PRPF8: variants seen among roughly 807,000 people sequenced by gnomAD.
The protein encoded by PRPF8 is pre-mRNA processing factor 8.
In PRPF8, 64 loss-of-function variants were observed where a neutral mutation model predicts 285.9. The observed-to-expected ratio is 0.22, with a 90% CI of 0.18 to 0.28. PRPF8 has a LOEUF of 0.28. PRPF8 is among the 10% of genes least tolerant of loss of function. The pLI is 1.00. For missense variants in PRPF8, 1,426 were observed against 3,026.7 expected (o/e 0.47, Z 12.41); for synonymous variants, 1,325 against 1,118.2 (o/e 1.18, Z -3.69).
intron 28 of PRPF8, 66 bp from the exon 29 acceptor site, chr17:1,660,893 G>C: frequency 6.2e-7 from 1 of 1,612,704 alleles, no homozygotes; most frequent in Non-Finnish European, 8.5e-7. Flanking sequence ...TAACCTCCTG[G>C]AGGTGGCTGT....
At position 1,675,789 on chromosome 17, in the gene PRPF8, C is replaced by G. The variant is rs1472813794; in HGVS notation, c.2703G>C (p.Leu901=). 1 of 1,614,062 alleles carries G rather than the reference C, an allele frequency of 6.2e-7. No homozygotes were observed. The highest frequency in any genetic ancestry group is 8.5e-7 in the Non-Finnish European group (1 of 1,180,042). ...CATATACTGGAACGAGGTGGCTATACAGATCCATGAACTCAATGCCCACCT... is the reference window on the plus strand; with the variant it reads ...CATATACTGGAACGAGGTGGCTATAGAGATCCATGAACTCAATGCCCACCT... ...FKEVGIEFMD[L]YSHLVPVYDV... Residue 901 remains leucine (L), a synonymous_variant, in exon 19 of 43, where the codon CTG becomes CTC. Coordinates refer to ENST00000304992, the MANE Select transcript of PRPF8 (RefSeq NM_006445.4). The surrounding 1 kb of genome is among the most constrained non-coding windows in gnomAD (Gnocchi z 6.0).
chr17:1,653,490 G>C lies in PRPF8; in HGVS notation c.6369+52C>G, dbSNP rs1363587485. ...AGACAATCTCAGGTCTGAGTTTTAG[G>C]CACAAAATGAGTTGGGCACACACTG... On this transcript the variant is annotated intron_variant, in intron 39 of 42. Transcript: ENST00000304992. This position sits in a 1 kb window ranked among gnomAD's most constrained non-coding sequence, Gnocchi z 4.9. 17 of 1,610,978 alleles carry C rather than the reference G, an allele frequency of 1.1e-5. No individual in the cohort carries two copies. Among genetic ancestry groups the C allele is most frequent in the Non-Finnish European group, 5.9e-6 (7 of 1,177,296 alleles).
intron 21 of PRPF8, among the ~76,000 whole-genome samples, chr17:1,674,094 C>T (rs994654315): frequency 6.6e-6 from 1 of 152,184 alleles, no homozygotes; most frequent in Non-Finnish European, 1.5e-5. Flanking sequence ...GCAATCCCGG[C>T]TCACTGCAAG....
chr17:1,678,602 G>C lies in PRPF8; in HGVS notation c.1770C>G (p.Gly590=). The C allele has an allele frequency of 6.2e-7, 1 of 1,614,214 alleles. No homozygotes were observed. Reference sequence around the variant, plus strand: ...TCAGCTTGTATTTGTATCGATACATGCCCGTCAACTGCCCAACATGGGCAA... The same window carrying C: ...TCAGCTTGTATTTGTATCGATACATCCCCGTCAACTGCCCAACATGGGCAA... ...YIFAHVGQLT[G]MYRYKYKLMR... Residue 590 remains glycine, a synonymous_variant, in exon 13 of 43, where the codon GGC becomes GGG. Coordinates refer to ENST00000304992, the MANE Select transcript of PRPF8 (RefSeq NM_006445.4).
rs1472301974 is a variant in PRPF8, at chr17:1,651,696, G to T, written c.6462C>A (p.His2154Gln). Residue 2154 changes from histidine to glutamine, a missense_variant, in exon 40 of 43, where the codon CAC (histidine) becomes CAA (glutamine). Physicochemically the swap from His to Gln is conservative, Grantham distance 24. Coordinates refer to ENST00000304992, the MANE Select transcript of PRPF8 (RefSeq NM_006445.4). This position sits in a 1 kb window ranked among gnomAD's most constrained non-coding sequence, Gnocchi z 5.1. ...CIVMVPQWGT[H>Q]QTVHLPGQLP... ...GCTGGCCAGGCAGGTGCACGGTCTG[G>T]TGAGTGCCCCACTGCGGCACCATCA... 6.2e-7 allele frequency: 1 copy of T among 1,614,050 alleles called. No homozygotes were observed. The highest frequency in any genetic ancestry group is 2.2e-5 in the East Asian group (1 of 44,902).
chr17:1,659,938 G>A lies in PRPF8; in HGVS notation c.4849C>T (p.Arg1617Ter). 6.2e-7 allele frequency: 1 copy of A among 1,614,036 alleles called. No homozygotes were observed. Among genetic ancestry groups the A allele is most frequent in the African/African-American group, 1.3e-5 (1 of 75,030 alleles). ...GAAGAGTTCATCTTATATGACTTTC[G>A]GGGATGGATTGTCTCCTTTTGTACT... The part of the protein sequence containing the change: ...ETVQKETIHP[R>*]KSYKMNSSCA... The change falls in exon 31 of 43, where the codon CGA (arginine) becomes TGA (stop). Residue 1617 changes from arginine to a stop codon, truncating the protein, a stop_gained. Coordinates refer to ENST00000304992, the MANE Select transcript of PRPF8 (RefSeq NM_006445.4). LOFTEE classifies it high-confidence loss of function. The surrounding 1 kb of genome is among the most constrained non-coding windows in gnomAD (Gnocchi z 5.1).
intron 3 of PRPF8, 100 bp downstream of exon 3, chr17:1,683,433 C>G (rs1192226560): frequency 1.6e-5 from 21 of 1,322,318 alleles, no homozygotes; most frequent in Middle Eastern, 1.8e-4. Flanking sequence ...TCTCTTATAT[C>G]CACCAAGATG....
At position 1,659,733 on chromosome 17, in the gene PRPF8, C is replaced by A. The variant is rs1911583814; in HGVS notation, c.4946+108G>T. 1 of 1,461,860 alleles carries A rather than the reference C, an allele frequency of 6.8e-7. No individual in the cohort carries two copies. The highest frequency in any genetic ancestry group is 1.9e-5 in the Admixed American group (1 of 52,146). 90.6% of individuals were successfully genotyped at this position (1,461,860 alleles called of 1,614,324 possible). A position where few individuals can be genotyped will look rare whatever the true frequency, so the allele number is the denominator to read the frequency against. The stretch of plus-strand genomic sequence containing the variant: ...ACAGGCTCCAAGCGTAGCACTGGCT[C>A]CAAGTTTGAAACAAAGGCAGACAGG... On this transcript the variant is annotated intron_variant, in intron 31 of 42. Coordinates refer to ENST00000304992, the MANE Select transcript of PRPF8 (RefSeq NM_006445.4). This position sits in a 1 kb window ranked among gnomAD's most constrained non-coding sequence, Gnocchi z 5.1.
chr17:1,659,663 G>A lies in PRPF8; in HGVS notation c.4947-115C>T. 1 of 1,414,380 alleles carries A rather than the reference G, an allele frequency of 7.1e-7. No homozygotes were observed. The highest frequency in any genetic ancestry group is 1.2e-5 in the South Asian group (1 of 83,836). 87.6% of individuals were successfully genotyped at this position (1,414,380 alleles called of 1,614,324 possible). A position where few individuals can be genotyped will look rare whatever the true frequency, so the allele number is the denominator to read the frequency against. On this transcript the variant is annotated intron_variant, in intron 31 of 42. Transcript: ENST00000304992. The surrounding 1 kb of genome is among the most constrained non-coding windows in gnomAD (Gnocchi z 5.1). ...CACCCACTCCACCAACTTGTTCCAG[G>A]TCAGCAGGACCCCAGAGAATCAGCA...
In PRPF8 at chr17:1,652,000, T is replaced by C. The variant is rs1911101930; in HGVS notation, c.6370-212A>G. The stretch of plus-strand genomic sequence containing the variant: ...ACTTACCACATCAGAATCTCCTGAG[T>C]GGGGTCCAGGAATCTGCACTGCTCA... On this transcript the variant is annotated intron_variant, in intron 39 of 42. Transcript: ENST00000304992. This position sits in a 1 kb window ranked among gnomAD's most constrained non-coding sequence, Gnocchi z 5.1. The C allele has an allele frequency of 1.5e-6, 1 of 665,064 alleles. No individual in the cohort carries two copies. The highest frequency in any genetic ancestry group is 2.2e-5 in the Admixed American group (1 of 44,496). 41.2% of individuals were successfully genotyped at this position (665,064 alleles called of 1,614,324 possible).
intron 24 of PRPF8, among the ~76,000 whole-genome samples, chr17:1,665,979 C>G (rs1319121114): frequency 9.0e-6 from 1 of 110,994 alleles, no homozygotes; most frequent in Non-Finnish European, 1.8e-5. Flanking sequence ...CTCGCAAACA[C>G]GGTGAAACCG....
chr17:1,678,738 G>C (rs372495489), intron 12 of PRPF8, 24 bp downstream of exon 12: 1 of 1,614,104 alleles, frequency 6.2e-7, no homozygotes, highest in African/African-American at 1.3e-5. Flanking sequence ...CACCCAGGCA[G>C]GGGTTGGGAA....
Position 1,658,849 on chromosome 17 carries a change from A to G in PRPF8, c.5139-86T>C, listed in dbSNP as rs1372989724. ...AAGCTGCCAACTCTACAGAGGAAGAAAGACTGTTCGCCAGGCTGACAACAC... is the reference window on the plus strand; with the variant it reads ...AAGCTGCCAACTCTACAGAGGAAGAGAGACTGTTCGCCAGGCTGACAACAC... On this transcript the variant is annotated intron_variant, in intron 32 of 42. Coordinates refer to ENST00000304992, the MANE Select transcript of PRPF8 (RefSeq NM_006445.4). This position sits in a 1 kb window ranked among gnomAD's most constrained non-coding sequence, Gnocchi z 4.1. 1 of 1,202,026 alleles carries G rather than the reference A, an allele frequency of 8.3e-7. No homozygotes were observed. The highest frequency in any genetic ancestry group is 1.7e-5 in the Admixed American group (1 of 57,646). The allele number at this position is 1,202,026 out of a possible 1,614,324, so 74.5% of individuals were successfully genotyped here. A position where few individuals can be genotyped will look rare whatever the true frequency, so the allele number is the denominator to read the frequency against.
chr17:1,666,654 A>G (rs946392307), intron 24 of PRPF8, among the ~76,000 whole-genome samples: 2 of 152,226 alleles, frequency 1.3e-5, no homozygotes, highest in African/African-American at 2.4e-5. Flanking sequence ...AAACCACAAA[A>G]TACCAAATGA....
rs75741782 is a variant in PRPF8, at chr17:1,677,821, G to A, written c.1855-127C>T. On this transcript the variant is annotated intron_variant, in intron 13 of 42. Transcript: ENST00000304992. ...GAGGAATGTAGGTATGGCAGTAGAGGGGTAAAAAGAAAAAAAAACTCTGGG... is the reference window on the plus strand; with the variant it reads ...GAGGAATGTAGGTATGGCAGTAGAGAGGTAAAAAGAAAAAAAAACTCTGGG... 2,432 of 1,263,318 alleles carry A rather than the reference G, an allele frequency of 1.9e-3. 33 individuals carry two copies. In the African/African-American group the frequency reaches 0.033, roughly 17 times the overall value. The allele number at this position is 1,263,318 out of a possible 1,614,324, so 78.3% of individuals were successfully genotyped here.
rs769560111 is a variant in PRPF8, at chr17:1,658,821, G to A, written c.5139-58C>T. ...ACGAGAATGACAGCCCCAGAAACAA[G>A]ACAAGCTGCCAACTCTACAGAGGAA... On this transcript the variant is annotated intron_variant, in intron 32 of 42. Coordinates refer to ENST00000304992, the MANE Select transcript of PRPF8 (RefSeq NM_006445.4). The surrounding 1 kb of genome is among the most constrained non-coding windows in gnomAD (Gnocchi z 4.1). 1 of 1,455,534 alleles carries A rather than the reference G, an allele frequency of 6.9e-7. No individual in the cohort carries two copies. The highest frequency in any genetic ancestry group is 1.4e-5 in the African/African-American group (1 of 71,576). 90.2% of individuals were successfully genotyped at this position (1,455,534 alleles called of 1,614,324 possible).
In PRPF8 at chr17:1,676,814, C is replaced by T; in HGVS notation, c.2182-103G>A. On this transcript the variant is annotated intron_variant, in intron 15 of 42. Transcript: ENST00000304992. The surrounding 1 kb of genome is among the most constrained non-coding windows in gnomAD (Gnocchi z 6.3). ...GAGGCTAAGGAGGATCGCTTGAGCT[C>T]AGGAGCTTGAGGCCAGCCTAAGCAA... 3 of 1,497,354 alleles carry T rather than the reference C, an allele frequency of 2.0e-6. No homozygotes were observed. Among genetic ancestry groups the T allele is most frequent in the Non-Finnish European group, 1.8e-6 (2 of 1,083,450 alleles). 92.8% of individuals were successfully genotyped at this position (1,497,354 alleles called of 1,614,324 possible).
Position 1,676,862 on chromosome 17 carries a change from TA to T in PRPF8, c.2181+113del. 6.7e-7 allele frequency: 1 copy of T among 1,486,186 alleles called. No individual in the cohort carries two copies. The allele number at this position is 1,486,186 out of a possible 1,614,324, so 92.1% of individuals were successfully genotyped here. Reference sequence around the variant, plus strand: ...CAACATGGTGCTTCTTTTCCCTGTCTAAAAGGGAAAAGAAAAGAGATTGGAG... The same window carrying T: ...CAACATGGTGCTTCTTTTCCCTGTCTAAAGGGAAAAGAAAAGAGATTGGAG... On this transcript the variant is annotated intron_variant, in intron 15 of 42. Transcript: ENST00000304992. The surrounding 1 kb of genome is among the most constrained non-coding windows in gnomAD (Gnocchi z 6.3).
At position 1,676,467 on chromosome 17, in the gene PRPF8, C is replaced by T; in HGVS notation, c.2388+38G>A. The T allele has an allele frequency of 6.2e-7, 1 of 1,614,054 alleles. No individual in the cohort carries two copies. On this transcript the variant is annotated intron_variant, in intron 16 of 42. Coordinates refer to ENST00000304992, the MANE Select transcript of PRPF8 (RefSeq NM_006445.4). This position sits in a 1 kb window ranked among gnomAD's most constrained non-coding sequence, Gnocchi z 6.3. ...TACAGTCCTCCCTCTTGCCCACTCC[C>T]CCACCACTCACACCCAGCCCAGCCT... is the stretch of plus-strand genomic sequence containing the variant.
Sources: allele counts gnomAD v4.1 joint callset (sites outside exome capture counted in the v4.1 genomes callset), GRCh38; gene constraint gnomAD v4.1.1; non-coding constraint Gnocchi (gnomAD v3.1); transcripts MANE v1.5; gene names NCBI Gene and HGNC (gene_info 2026-07-23, HGNC 2026-07-21).